Variants in RAB27B observed in about 807,000 individuals in gnomAD.
The protein encoded by RAB27B is RAB27B, member RAS oncogene family.
RAB27B carries 15 observed loss-of-function variants against 24.6 expected under a neutral mutation model. The observed-to-expected ratio is 0.61, with a 90% CI of 0.41 to 0.94. The LOEUF is 0.94. Ranked by LOEUF, RAB27B falls within the 40% of genes least tolerant of loss-of-function variation. RAB27B has a pLI of 0.00. For missense variants in RAB27B, 261 were observed against 266.8 expected (o/e 0.98, Z 0.15); for synonymous variants, 105 against 92.5 (o/e 1.14, Z -0.78).
chr18:54,850,351 T>TATATATAGATATAG (rs1911520848), intron 1 of RAB27B, among the ~76,000 whole-genome samples: 1 of 137,892 alleles, frequency 7.3e-6, no homozygotes, highest in African/African-American at 2.8e-5. Flanking sequence ...TATATATATA[T>TATATATAGATATAG]ATATATATAC....
intron 2 of RAB27B, among the ~76,000 whole-genome samples, chr18:54,772,983 A>T (rs140127721): frequency 9.2e-5 from 14 of 152,126 alleles, no homozygotes; most frequent in Non-Finnish European, 1.8e-4. Flanking sequence ...CTGTGTTTAC[A>T]TGCACTTTCA....
At chr18:54,819,302 T>TA (rs1910220352) in intron 2 of RAB27B, among the ~76,000 whole-genome samples, 1 of 147,988 alleles carries the variant, frequency 6.8e-6, no homozygotes, top group Non-Finnish European at 1.5e-5. Flanking sequence ...AGAAATATAA[T>TA]AAAAAATAAA....
rs575409968 is a variant in RAB27B at position 54,892,053 on chromosome 18, G to T, written c.*2640G>T. Reference sequence around the variant, plus strand: ...CATTTTACAATTTCAAATTGTTCTGGTGCCATAAAGTATACAGACTACTTT... The same window carrying T: ...CATTTTACAATTTCAAATTGTTCTGTTGCCATAAAGTATACAGACTACTTT... On this transcript the variant is annotated 3_prime_UTR_variant, in exon 6 of 6. Transcript: ENST00000262094. The T allele has an allele frequency of 2.0e-5, 3 of 151,898 alleles. No individual in the cohort carries two copies. Among genetic ancestry groups the T allele is most frequent in the Admixed American group, 6.6e-5 (1 of 15,218 alleles). 9.4% of individuals were successfully genotyped at this position (151,898 alleles called of 1,614,324 possible). A position where few individuals can be genotyped will look rare whatever the true frequency, so the allele number is the denominator to read the frequency against.
intron 2 of RAB27B, among the ~76,000 whole-genome samples, chr18:54,731,076 G>A (rs116973703): frequency 0.028 from 4,258 of 152,112 alleles, 72 homozygotes; most frequent in Middle Eastern, 0.092. Context: ...ATAAGGGATA[G>A]GTATAATACA....
At chr18:54,764,023 T>C (rs536910324) in intron 2 of RAB27B, among the ~76,000 whole-genome samples, 1 of 152,318 alleles carries the variant, frequency 6.6e-6, no homozygotes, top group African/African-American at 2.4e-5. Flanking sequence ...CTCTTTCTCA[T>C]GCACACATTT....
At chr18:54,873,961 C>T (rs1386577734) in intron 1 of RAB27B, among the ~76,000 whole-genome samples, 1 of 152,164 alleles carries the variant, frequency 6.6e-6, no homozygotes, top group Admixed American at 6.5e-5. Context: ...CAGCACCCTT[C>T]ACTTATAGAA....
chr18:54,790,695 T>C (rs1909221883), intron 2 of RAB27B, among the ~76,000 whole-genome samples: 1 of 152,164 alleles, frequency 6.6e-6, no homozygotes, highest in Admixed American at 6.5e-5. Context: ...TATTATAGAA[T>C]AGCTATGTGT....
chr18:54,857,858 T>C (rs1483118656), intron 1 of RAB27B, among the ~76,000 whole-genome samples: 1 of 152,232 alleles, frequency 6.6e-6, no homozygotes, highest in Non-Finnish European at 1.5e-5. Flanking sequence ...ATTCCTCCTA[T>C]TTTATCCTAT....
At chr18:54,743,342 T>C (rs1910129062) in intron 2 of RAB27B, among the ~76,000 whole-genome samples, 1 of 152,216 alleles carries the variant, frequency 6.6e-6, no homozygotes, top group South Asian at 2.1e-4. Flanking sequence ...TCAGATCCTC[T>C]TCTAGGGGCT....
intron 2 of RAB27B, among the ~76,000 whole-genome samples, chr18:54,728,197 GCC>G (rs778256027): frequency 2.0e-5 from 3 of 152,098 alleles, no homozygotes; most frequent in Non-Finnish European, 4.4e-5. Flanking sequence ...ACTTCCTCTG[GCC>G]AGAAGATGGG....
At chr18:54,804,808 T>C (rs10871742) in intron 2 of RAB27B, among the ~76,000 whole-genome samples, 144,637 of 151,746 alleles carry the variant, frequency 0.95, 69,359 homozygotes, top group East Asian at 1. Context: ...TCTGCTGTGG[T>C]CACTCTTTTT....
intron 2 of RAB27B, among the ~76,000 whole-genome samples, chr18:54,801,892 A>AT (rs1038490143): frequency 2.0e-5 from 3 of 151,924 alleles, no homozygotes; most frequent in Non-Finnish European, 4.4e-5. Context: ...TGTCAGTCCT[A>AT]TTTTTTTTAG....
At chr18:54,810,283 C>T (rs143253177) in intron 2 of RAB27B, among the ~76,000 whole-genome samples, 303 of 151,918 alleles carry the variant, frequency 2.0e-3, no homozygotes, top group African/African-American at 6.8e-3. Context: ...TAAATTTGCT[C>T]GAATAAAAAT....
chr18:54,774,545 A>C (rs938301467), intron 2 of RAB27B, among the ~76,000 whole-genome samples: 1 of 152,232 alleles, frequency 6.6e-6, no homozygotes, highest in Non-Finnish European at 1.5e-5. Flanking sequence ...AACCTCTAGA[A>C]TATCCTCATC....
chr18:54,782,406 T>C (rs73960633), intron 2 of RAB27B, among the ~76,000 whole-genome samples: 6,974 of 152,298 alleles, frequency 0.046, 228 homozygotes, highest in Admixed American at 0.084. Flanking sequence ...GAAATTTGAA[T>C]GTAGGAGATA....
At chr18:54,828,374 C>A (rs755169151), upstream of RAB27B, 1 of 152,242 alleles carries the variant, frequency 6.6e-6, no homozygotes, top group Non-Finnish European at 1.5e-5. Flanking sequence ...AGGTGAGCTC[C>A]GCACATCCGC....
At chr18:54,887,098 C>T (rs1013814329) in intron 4 of RAB27B, among the ~76,000 whole-genome samples, 10 of 144,372 alleles carry the variant, frequency 6.9e-5, no homozygotes, top group East Asian at 6.2e-4. Context: ...CTCCCCCCTC[C>T]GCCCACACAT....
At chr18:54,740,773 A>G (rs1312212951) in intron 2 of RAB27B, among the ~76,000 whole-genome samples, 1 of 152,236 alleles carries the variant, frequency 6.6e-6, no homozygotes, top group Non-Finnish European at 1.5e-5. Context: ...AAGCCAGTAT[A>G]TAGCAGGCTC....
chr18:54,857,869 T>A (rs1226975700), intron 1 of RAB27B, among the ~76,000 whole-genome samples: 1 of 151,974 alleles, frequency 6.6e-6, no homozygotes, highest in Non-Finnish European at 1.5e-5. Flanking sequence ...TTTATCCTAT[T>A]TAGATTGCTT....
Sources: gnomAD v4.1 joint callset for allele counts (sites outside exome capture counted in the v4.1 genomes callset) on GRCh38, gnomAD v4.1.1 for gene constraint, MANE v1.5 for transcripts, NCBI Gene and HGNC (gene_info 2026-07-23, HGNC 2026-07-21) for gene names.